TMOD3: variants seen among roughly 807,000 people sequenced by gnomAD.
The protein encoded by TMOD3 is tropomodulin-3.
In TMOD3, 20 loss-of-function variants were observed where a neutral mutation model predicts 39.2. The ratio of observed to expected loss-of-function variants is 0.51; its 90% confidence interval spans 0.36 to 0.74. The LOEUF (loss-of-function observed/expected upper bound fraction) is 0.74. Among genes scored for constraint, TMOD3 ranks in the 30% least tolerant of loss-of-function variants. The pLI is 0.00. For synonymous variants in TMOD3, 143 were observed against 145.8 expected (o/e 0.98, Z 0.14); for missense variants, 381 against 412.8 (o/e 0.92, Z 0.67).
chr15:51,840,226 C>T (rs551976204), intron 1 of TMOD3, among the ~76,000 whole-genome samples: 1 of 152,128 alleles, frequency 6.6e-6, no homozygotes, highest in Non-Finnish European at 1.5e-5. Context: ...TTGTGTACAT[C>T]GATCTCTCAC....
At chr15:51,876,465 T>C (rs973900632) in intron 3 of TMOD3, among the ~76,000 whole-genome samples, 6 of 47,650 alleles carry the variant, frequency 1.3e-4, no homozygotes, top group South Asian at 1.1e-3. Flanking sequence ...CACCCAGCGC[T>C]TTTTTTTTTT....
intron 3 of TMOD3, among the ~76,000 whole-genome samples, chr15:51,885,289 T>TC (rs1441138898): frequency 6.6e-6 from 1 of 150,400 alleles, no homozygotes; most frequent in African/African-American, 2.4e-5. Flanking sequence ...TTTTTCTTTT[T>TC]TTTTTTTTTT....
intron 3 of TMOD3, among the ~76,000 whole-genome samples, chr15:51,884,875 A>AT (rs2056551982): frequency 6.6e-6 from 1 of 152,216 alleles, no homozygotes; most frequent in African/African-American, 2.4e-5. Context: ...CTGTGGGCTT[A>AT]TTAAGTGAGA....
chr15:51,862,922 A>G lies in TMOD3; in HGVS notation c.38A>G (p.Lys13Arg), dbSNP rs370082613. 12 of 1,613,994 alleles carry G rather than the reference A, an allele frequency of 7.4e-6. No individual in the cohort carries two copies. Among genetic ancestry groups the G allele is most frequent in the Middle Eastern group, 1.6e-4 (1 of 6,084 alleles). Residue 13 changes from lysine (K) to arginine (R), a missense_variant, in exon 2 of 10, where the codon AAA becomes AGA. Coordinates refer to ENST00000308580, the MANE Select transcript of TMOD3 (RefSeq NM_014547.5). Reference sequence around the variant, plus strand: ...TTCCGTAAGGACTTAGAAAAGTACAAAGACCTTGATGAAGATGAGCTCCTT... The same window carrying G: ...TTCCGTAAGGACTTAGAAAAGTACAGAGACCTTGATGAAGATGAGCTCCTT... ...LPFRKDLEKY[K>R]DLDEDELLGN...
At chr15:51,859,515 C>G (rs2056405663) in intron 1 of TMOD3, 2 of 630,870 alleles carry the variant, frequency 3.2e-6, no homozygotes, top group Non-Finnish European at 6.1e-6. Context: ...TTTGTAGCCA[C>G]CATGTTGATA....
intron 3 of TMOD3, among the ~76,000 whole-genome samples, chr15:51,880,617 G>A (rs1468675509): frequency 1.3e-5 from 2 of 152,116 alleles, no homozygotes; most frequent in African/African-American, 4.8e-5. Context: ...CTTTCACTTA[G>A]CATAAGGTTT....
intron 1 of TMOD3, among the ~76,000 whole-genome samples, chr15:51,832,203 T>TTATGTATATATATATATATATATA (rs2056259052): frequency 1.3e-5 from 1 of 79,350 alleles, no homozygotes; most frequent in Admixed American, 1.6e-4. Flanking sequence ...AGAAAAAAAA[T>TTATGTATATATATATATATATATA]TATATATATA....
At chr15:51,844,634 A>G (rs976036089) in intron 1 of TMOD3, among the ~76,000 whole-genome samples, 2 of 152,248 alleles carry the variant, frequency 1.3e-5, no homozygotes, top group Non-Finnish European at 2.9e-5. Flanking sequence ...CAAGGCAGAA[A>G]TGAATGTGCT....
chr15:51,865,156 A>C (rs1391683223), intron 2 of TMOD3, among the ~76,000 whole-genome samples: 1 of 151,976 alleles, frequency 6.6e-6, no homozygotes, highest in Non-Finnish European at 1.5e-5. Flanking sequence ...CCAGCTAATT[A>C]CTTTTTAAAA....
intron 1 of TMOD3, chr15:51,860,927 C>T (rs946956010): frequency 1.1e-5 from 5 of 449,332 alleles, no homozygotes; most frequent in African/African-American, 6.0e-5. Flanking sequence ...CAGAGCAAGA[C>T]TCCATCTCAA....
intron 9 of TMOD3, among the ~76,000 whole-genome samples, chr15:51,904,095 G>T (rs1206846638): frequency 6.6e-6 from 1 of 152,178 alleles, no homozygotes. Flanking sequence ...ATGGGATTTG[G>T]GTTGTAGGCA....
chr15:51,887,770 C>T, intron 4 of TMOD3, 59 bp downstream of exon 4: 1 of 1,603,328 alleles, frequency 6.2e-7, no homozygotes, highest in Non-Finnish European at 8.5e-7. Context: ...GAAATACCAG[C>T]ACATACCTAT....
chr15:51,850,731 TTTTG>T (rs755369260), intron 1 of TMOD3, among the ~76,000 whole-genome samples: 30 of 152,004 alleles, frequency 2.0e-4, no homozygotes, highest in African/African-American at 6.5e-4. Flanking sequence ...GAGTTAGGTT[TTTTG>T]TTTGTTTGTT....
chr15:51,833,166 TA>T (rs971767397), intron 1 of TMOD3: 2 of 152,232 alleles, frequency 1.3e-5, no homozygotes, highest in Non-Finnish European at 2.9e-5. Context: ...TTGGTGTTTA[TA>T]AAAAATTATG....
intron 1 of TMOD3, among the ~76,000 whole-genome samples, chr15:51,852,933 G>A (rs1269983011): frequency 2.0e-5 from 3 of 152,200 alleles, no homozygotes; most frequent in African/African-American, 7.2e-5. Context: ...TAGCTGGCCA[G>A]CCAGCTCTGG....
chr15:51,836,732 A>G (rs1437212183), intron 1 of TMOD3, among the ~76,000 whole-genome samples: 1 of 49,818 alleles, frequency 2.0e-5, no homozygotes, highest in Admixed American at 2.7e-4. Flanking sequence ...TCAAAAAAAA[A>G]AAAAGAAAAA....
intron 1 of TMOD3, among the ~76,000 whole-genome samples, chr15:51,855,946 T>C (rs896046442): frequency 3.3e-5 from 5 of 152,164 alleles, no homozygotes; most frequent in African/African-American, 1.2e-4. Context: ...AATCTGATAA[T>C]GGGAACATCT....
chr15:51,905,285 G>C (rs1333752075), intron 9 of TMOD3, among the ~76,000 whole-genome samples: 3 of 152,166 alleles, frequency 2.0e-5, no homozygotes, highest in Non-Finnish European at 4.4e-5. Flanking sequence ...ATCACCTGAG[G>C]TCAGGAGTTT....
chr15:51,875,641 A>T (rs1211336525), intron 3 of TMOD3, among the ~76,000 whole-genome samples: 1 of 134,118 alleles, frequency 7.5e-6, no homozygotes, highest in African/African-American at 2.8e-5. Flanking sequence ...CCTGAGACAG[A>T]GTCTTGCTCT....
Sources: gnomAD v4.1 joint callset for allele counts (sites outside exome capture counted in the v4.1 genomes callset) on GRCh38, gnomAD v4.1.1 for gene constraint, MANE v1.5 for transcripts, NCBI Gene and HGNC (gene_info 2026-07-23, HGNC 2026-07-21) for gene names.